BAZ1B: variants seen among roughly 807,000 people sequenced by gnomAD.
BAZ1B encodes tyrosine-protein kinase BAZ1B.
BAZ1B carries 22 observed loss-of-function variants against 153.8 expected under a neutral mutation model. The observed-to-expected ratio is 0.14, with a 90% CI of 0.10 to 0.20. The LOEUF (loss-of-function observed/expected upper bound fraction) is 0.20, where lower values mean the gene tolerates loss of function less well. Ranked by LOEUF, BAZ1B falls within the 10% of genes least tolerant of loss-of-function variation. The probability of loss-of-function intolerance (pLI) is 1.00; values close to 1 mark genes in which losing one functional copy is unlikely to be tolerated. For missense variants in BAZ1B, 1,325 were observed against 1,799.3 expected (o/e 0.74, Z 4.77); for synonymous variants, 676 against 633.4 (o/e 1.07, Z -1.01).
rs894458376 is a variant in BAZ1B at position 73,442,612 on chromosome 7, T to A, written c.4095-59A>T. 9.0e-6 allele frequency: 14 copies of A among 1,560,246 alleles called. No homozygotes were observed. The African/African-American group carries it at 1.8e-4, about 20-fold the overall frequency. ...GCCTTGACGGCAGTGCCCCTGCCAC[T>A]GAGACACGTCCTGAAAAGCAAGGGC... On this transcript the variant is annotated intron_variant, in intron 18 of 19. Coordinates refer to ENST00000339594, the MANE Select transcript of BAZ1B (RefSeq NM_032408.4).
At chr7:73,490,544 C>G (rs1374915469) in intron 5 of BAZ1B, among the ~76,000 whole-genome samples, 1 of 151,472 alleles carries the variant, frequency 6.6e-6, no homozygotes, top group Non-Finnish European at 1.5e-5. Flanking sequence ...TATTTGTGAA[C>G]AAAATACTTA....
chr7:73,441,833 T>C, intron 19 of BAZ1B, 140 bp from the exon 20 acceptor site: 1 of 286,492 alleles, frequency 3.5e-6, no homozygotes, highest in Non-Finnish European at 6.5e-6. Context: ...AACACAGCAA[T>C]CCCTCCCCTG....
At chr7:73,521,103 TTTTG>T (rs143339734) in intron 1 of BAZ1B, among the ~76,000 whole-genome samples, 4,318 of 152,326 alleles carry the variant, frequency 0.028, 61 homozygotes, top group Middle Eastern at 0.065. Context: ...GTCTTGGTTT[TTTTG>T]TTTGTTTAAT....
At chr7:73,463,919 G>A (rs1788482943) in intron 11 of BAZ1B, among the ~76,000 whole-genome samples, 1 of 152,142 alleles carries the variant, frequency 6.6e-6, no homozygotes, top group Non-Finnish European at 1.5e-5. Context: ...TGTTGGCCAG[G>A]CTGGTCTCGA....
intron 6 of BAZ1B, among the ~76,000 whole-genome samples, chr7:73,485,611 T>G (rs374399685): frequency 8.5e-6 from 1 of 117,096 alleles, no homozygotes; most frequent in East Asian, 2.4e-4. Flanking sequence ...GGAGACAGCA[T>G]AAGGCCTACC....
At chr7:73,515,368 G>T (rs1424068368) in intron 1 of BAZ1B, among the ~76,000 whole-genome samples, 1 of 151,910 alleles carries the variant, frequency 6.6e-6, no homozygotes, top group Admixed American at 6.6e-5. Context: ...CATCAAGCTT[G>T]ACCCCGTGAC....
intron 2 of BAZ1B, among the ~76,000 whole-genome samples, chr7:73,508,801 CAGG>C (rs1554578185): frequency 1.3e-5 from 2 of 151,254 alleles, no homozygotes; most frequent in Non-Finnish European, 2.9e-5. Flanking sequence ...ATCACGAGGT[CAGG>C]AGATCAAGAC....
intron 1 of BAZ1B, among the ~76,000 whole-genome samples, chr7:73,515,531 CTTTTTTTTTTTT>C (rs869065388): frequency 1.8e-5 from 2 of 111,422 alleles, no homozygotes; most frequent in Admixed American, 1.0e-4. Context: ...AGCCTTGTTC[CTTTTTTTTTTTT>C]TTTTTTTTTT....
intron 10 of BAZ1B, 31 bp from the exon 11 acceptor site, chr7:73,465,568 GAA>G (rs60386137): frequency 1.5e-3 from 1,482 of 970,014 alleles, no homozygotes; most frequent in South Asian, 2.2e-3. Flanking sequence ...TGATAACTCT[GAA>G]AAAAAAAAAA....
At position 73,478,335 on chromosome 7, in the gene BAZ1B, T is replaced by C. The variant is rs782748669; in HGVS notation, c.1126A>G (p.Asn376Asp). Residue 376 changes from asparagine (N) to aspartate (D), a missense_variant, in exon 7 of 20, where the codon AAT (asparagine) becomes GAT (aspartate). Asn to Asp is a conservative substitution (Grantham distance 23, BLOSUM62 1). This residue lies in a region of BAZ1B where 219 missense variants were observed against 248.2 expected (regional missense o/e 0.88). Transcript: ENST00000339594. ...LEEMMKMMSP[N>D]KLHTNFHIPK... is the part of the protein sequence containing the mutation. ...ATGTGAAAGTTAGTGTGCAGCTTAT[T>C]GGGCGACATCATCTTCATCATTTCT... The C allele has an allele frequency of 2.0e-5, 33 of 1,613,718 alleles. No individual in the cohort carries two copies. Among genetic ancestry groups the C allele is most frequent in the Non-Finnish European group, 2.7e-5 (32 of 1,179,960 alleles).
At chr7:73,515,964 G>C (rs1312176481) in intron 1 of BAZ1B, among the ~76,000 whole-genome samples, 3 of 152,096 alleles carry the variant, frequency 2.0e-5, no homozygotes, top group African/African-American at 7.2e-5. Context: ...GGCCAACACG[G>C]TGAAACCCCG....
At chr7:73,464,144 C>T (rs1353409973) in intron 11 of BAZ1B, 3 of 984,830 alleles carry the variant, frequency 3.0e-6, no homozygotes, top group African/African-American at 1.7e-5. Context: ...AAAAGTCTGG[C>T]AATGGTGTAG....
Position 73,442,287 on chromosome 7 carries a change from C to G in BAZ1B, c.4361G>C (p.Arg1454Pro). Residue 1454 changes from arginine to proline, a missense_variant, in exon 19 of 20, where the codon CGC (arginine) becomes CCC (proline). Physicochemically the swap from Arg to Pro is moderately radical, Grantham distance 103 (BLOSUM62 -2). Transcript: ENST00000339594. ...AGCAAGCCTATCAGGAAACTTCTTG[C>G]GCTTCCTGCGGACATATGGGTGGCC... Reference protein sequence around the residue: ...LPGHPYVRRKRKKFPDRLAED... With the variant: ...LPGHPYVRRKPKKFPDRLAED... The G allele has an allele frequency of 6.2e-7, 1 of 1,614,162 alleles. No homozygotes were observed. The highest frequency in any genetic ancestry group is 1.1e-5 in the South Asian group (1 of 91,078).
intron 16 of BAZ1B, 23 bp downstream of exon 16, chr7:73,447,241 A>G (rs1787871174): frequency 6.2e-7 from 1 of 1,613,160 alleles, no homozygotes; most frequent in East Asian, 2.2e-5. Context: ...GAAATCAACT[A>G]CAAAGGCAGA....
chr7:73,484,292 AAGATAGATAGAT>A (rs142355745), intron 6 of BAZ1B, among the ~76,000 whole-genome samples: 192 of 150,830 alleles, frequency 1.3e-3, no homozygotes, highest in African/African-American at 4.4e-3. Flanking sequence ...CGGAGGGAGG[AAGATAGATAGAT>A]AGATAGATAG....
At chr7:73,489,484 A>C in intron 5 of BAZ1B, 93 bp from the exon 6 acceptor site, 7 of 1,310,500 alleles carry the variant, frequency 5.3e-6, no homozygotes, top group Non-Finnish European at 7.5e-6. Flanking sequence ...AGAAAAATCA[A>C]AATTCCATCT....
At chr7:73,451,170 G>T (rs1480565038) in intron 13 of BAZ1B, among the ~76,000 whole-genome samples, 176 bp from the exon 14 acceptor site, 2 of 152,160 alleles carry the variant, frequency 1.3e-5, no homozygotes, top group Non-Finnish European at 2.9e-5. Context: ...CTTGCCAAAG[G>T]TCACACAGAG....
chr7:73,441,218 T>A lies in BAZ1B; in HGVS notation c.*491A>T, dbSNP rs1421836512. 1 of 152,672 alleles carries A rather than the reference T, an allele frequency of 6.5e-6. No individual in the cohort carries two copies. Among genetic ancestry groups the A allele is most frequent in the East Asian group, 1.9e-4 (1 of 5,202 alleles). The allele number at this position is 152,672 out of a possible 1,614,324, so 9.5% of individuals were successfully genotyped here. A position where few individuals can be genotyped will look rare whatever the true frequency, so the allele number is the denominator to read the frequency against. On this transcript the variant is annotated 3_prime_UTR_variant, in exon 20 of 20. Transcript: ENST00000339594. ...GGAAGTTAGAGCAAACACATTATCA[T>A]AGAAACTGTACTGTACATGTGCTAA...
chr7:73,486,666 G>A (rs985793177), intron 6 of BAZ1B, among the ~76,000 whole-genome samples: 1 of 151,980 alleles, frequency 6.6e-6, no homozygotes, highest in Non-Finnish European at 1.5e-5. Context: ...TTTACACCTG[G>A]TCTCACTCTA....
Sources: allele counts gnomAD v4.1 joint callset (sites outside exome capture counted in the v4.1 genomes callset), GRCh38; gene constraint gnomAD v4.1.1; regional missense constraint gnomAD v4.1.1; transcripts MANE v1.5; gene names NCBI Gene and HGNC (gene_info 2026-07-23, HGNC 2026-07-21).